The following TMEM170B variants were observed in gnomAD, a reference collection of about 807,000 sequenced individuals.
The protein encoded by TMEM170B is transmembrane protein 170B.
TMEM170B carries 6 observed loss-of-function variants against 13.0 expected under a neutral mutation model. The observed-to-expected ratio is 0.46, with a 90% confidence interval of 0.25 to 0.91. TMEM170B has a LOEUF of 0.91. Among genes scored for constraint, TMEM170B ranks in the 40% least tolerant of loss-of-function variants. TMEM170B has a pLI of 0.17. For synonymous variants in TMEM170B, 61 were observed against 64.9 expected, an observed-to-expected ratio of 0.94 and a Z score of 0.29; for missense variants, 138 against 165.2, an observed-to-expected ratio of 0.84 and a Z score of 0.90.
chr6:11,576,799 G>A lies in TMEM170B; in HGVS notation c.*1238G>A, dbSNP rs1759879144. 6.6e-6 allele frequency: 1 copy of A among 152,072 alleles called. No homozygotes were observed. Among genetic ancestry groups the A allele is most frequent in the Non-Finnish European group, 1.5e-5 (1 of 67,954 alleles). 9.4% of individuals were successfully genotyped at this position (152,072 alleles called of 1,614,324 possible). A position where few individuals can be genotyped will look rare whatever the true frequency, so the allele number is the denominator to read the frequency against. Reference sequence around the variant, plus strand: ...GAGCGTGTATTAGAGTAATTCAGTTGTTCAGTTCTTGATTTATGATATGAA... The same window carrying A: ...GAGCGTGTATTAGAGTAATTCAGTTATTCAGTTCTTGATTTATGATATGAA... On this transcript the variant is annotated 3_prime_UTR_variant, in exon 3 of 3. Transcript: ENST00000379426.
At chr6:11,567,005 T>C (rs2113778880) in intron 2 of TMEM170B, among the ~76,000 whole-genome samples, 1 of 152,362 alleles carries the variant, frequency 6.6e-6, no homozygotes, top group East Asian at 1.9e-4. Context: ...TTTTTATCCA[T>C]TGGGAAATTG....
chr6:11,566,614 T>G (rs947681790), intron 2 of TMEM170B, among the ~76,000 whole-genome samples: 1 of 151,478 alleles, frequency 6.6e-6, no homozygotes, highest in African/African-American at 2.4e-5. Context: ...AGAGCAGGAG[T>G]GGAATTTAAA....
intron 1 of TMEM170B, among the ~76,000 whole-genome samples, chr6:11,542,040 T>A (rs1443871326): frequency 6.6e-6 from 1 of 152,080 alleles, no homozygotes; most frequent in Non-Finnish European, 1.5e-5. Flanking sequence ...TAATAAAATT[T>A]GAAATATTGT....
At chr6:11,572,159 T>G (rs1246225442) in intron 2 of TMEM170B, among the ~76,000 whole-genome samples, 2 of 152,212 alleles carry the variant, frequency 1.3e-5, no homozygotes, top group Middle Eastern at 6.3e-3. Flanking sequence ...GTTCTGGTTT[T>G]ACCCGTGGGT....
intron 1 of TMEM170B, among the ~76,000 whole-genome samples, chr6:11,549,079 TA>T (rs892016694): frequency 6.6e-6 from 1 of 151,856 alleles, no homozygotes; most frequent in East Asian, 1.9e-4. Flanking sequence ...ATAATAATAA[TA>T]AAAAAAGAGT....
intron 1 of TMEM170B, among the ~76,000 whole-genome samples, chr6:11,562,450 G>A (rs745326280): frequency 4.7e-5 from 7 of 150,272 alleles, no homozygotes; most frequent in South Asian, 4.2e-4. Context: ...AACACACACT[G>A]TAAAATATAT....
rs908630773 is a variant in TMEM170B, at chr6:11,578,761, T to G, written c.*3200T>G. 1.3e-5 allele frequency: 2 copies of G among 152,222 alleles called. No homozygotes were observed. The highest frequency in any genetic ancestry group is 4.8e-5 in the African/African-American group (2 of 41,456). 9.4% of individuals were successfully genotyped at this position (152,222 alleles called of 1,614,324 possible). On this transcript the variant is annotated 3_prime_UTR_variant, in exon 3 of 3. Transcript: ENST00000379426. ...GCTCAAAAAAGTATAAGGGTTTTGT[T>G]TGTACTTTAAATGAGAGAAATAAAG...
At chr6:11,553,156 C>A (rs569863680) in intron 1 of TMEM170B, among the ~76,000 whole-genome samples, 1 of 152,060 alleles carries the variant, frequency 6.6e-6, no homozygotes, top group African/African-American at 2.4e-5. Context: ...CTGCAGTGGC[C>A]CTGCAGAACC....
chr6:11,538,420 C>T lies in TMEM170B; in HGVS notation c.97+46C>T, dbSNP rs560295882. The T allele has an allele frequency of 9.0e-6, 12 of 1,338,620 alleles. No individual in the cohort carries two copies. In the East Asian group the frequency reaches 2.4e-4, roughly 27 times the overall value. 82.9% of individuals were successfully genotyped at this position (1,338,620 alleles called of 1,614,324 possible). On this transcript the variant is annotated intron_variant, in intron 1 of 2. Transcript: ENST00000379426. ...GGGGACGGGGATGCGGTCCGCCCCT[C>T]TCCTGTCTTCTCCTTCCTCGGGAGG...
intron 2 of TMEM170B, among the ~76,000 whole-genome samples, chr6:11,574,292 T>G (rs529995855): frequency 6.6e-6 from 1 of 152,288 alleles, no homozygotes; most frequent in South Asian, 2.1e-4. Flanking sequence ...TTAAAACATG[T>G]ATATGAAAGT....
chr6:11,560,224 G>A (rs181231367), intron 1 of TMEM170B, among the ~76,000 whole-genome samples: 1 of 151,534 alleles, frequency 6.6e-6, no homozygotes, highest in African/African-American at 2.4e-5. Context: ...GAGTGCAGTG[G>A]CGTGGTCTTT....
In TMEM170B at chr6:11,580,351, A is replaced by G. The variant is rs896407343; in HGVS notation, c.*4790A>G. 2 of 152,088 alleles carry G rather than the reference A, an allele frequency of 1.3e-5. No homozygotes were observed. Among genetic ancestry groups the G allele is most frequent in the Admixed American group, 6.6e-5 (1 of 15,258 alleles). 9.4% of individuals were successfully genotyped at this position (152,088 alleles called of 1,614,324 possible). A position where few individuals can be genotyped will look rare whatever the true frequency, so the allele number is the denominator to read the frequency against. On this transcript the variant is annotated 3_prime_UTR_variant, in exon 3 of 3. Coordinates refer to ENST00000379426, the MANE Select transcript of TMEM170B (RefSeq NM_001100829.3). ...CTTCAAATACTATTATTTTAAATTT[A>G]TGTTCATTATGTAATTCAGGGAGTA...
intron 2 of TMEM170B, 115 bp downstream of exon 2, chr6:11,565,951 C>A: frequency 3.3e-6 from 3 of 910,218 alleles, no homozygotes; most frequent in South Asian, 1.5e-5. Context: ...GATTATTTTT[C>A]AACACTTAAC....
rs142904079 is a variant in TMEM170B, at chr6:11,552,480, A to G, written c.98-13186A>G. Among the ~76,000 whole-genome samples the G allele has an allele frequency of 2.0e-5, 3 of 152,338 alleles. No homozygotes were observed. The East Asian group carries it at 5.8e-4, about 29-fold the overall frequency. On this transcript the variant is annotated intron_variant, in intron 1 of 2. Transcript: ENST00000379426. ...CTAGGCTGGCTAAATAGTAGAAAGG[A>G]TAGTTTTATCAGCAATATCAATTTG...
At chr6:11,572,957 A>G (rs905123433) in intron 2 of TMEM170B, among the ~76,000 whole-genome samples, 2 of 152,132 alleles carry the variant, frequency 1.3e-5, no homozygotes, top group African/African-American at 4.8e-5. Context: ...GGTTCATGGT[A>G]TGGACTTCAT....
At chr6:11,559,033 C>T (rs12190208) in intron 1 of TMEM170B, among the ~76,000 whole-genome samples, 3 of 151,994 alleles carry the variant, frequency 2.0e-5, no homozygotes, top group Non-Finnish European at 4.4e-5. Flanking sequence ...GCCATATAAT[C>T]TCTGTCTCAA....
At chr6:11,540,975 C>CT (rs955796474) in intron 1 of TMEM170B, among the ~76,000 whole-genome samples, 14 of 150,268 alleles carry the variant, frequency 9.3e-5, no homozygotes, top group South Asian at 2.1e-4. Context: ...TGAAAGGAAT[C>CT]TTTTTTTTTT....
At chr6:11,544,266 TC>T (rs1242907473) in intron 1 of TMEM170B, among the ~76,000 whole-genome samples, 7 of 152,140 alleles carry the variant, frequency 4.6e-5, no homozygotes, top group Admixed American at 4.6e-4. Context: ...AACATGACAC[TC>T]AAAGGAAATA....
In TMEM170B at chr6:11,582,872, G is replaced by A. The variant is rs1759976055; in HGVS notation, c.*7311G>A. 1 of 152,108 alleles carries A rather than the reference G, an allele frequency of 6.6e-6. No individual in the cohort carries two copies. Among genetic ancestry groups the A allele is most frequent in the African/African-American group, 2.4e-5 (1 of 41,440 alleles). The allele number at this position is 152,108 out of a possible 1,614,324, so 9.4% of individuals were successfully genotyped here. A position where few individuals can be genotyped will look rare whatever the true frequency, so the allele number is the denominator to read the frequency against. On this transcript the variant is annotated 3_prime_UTR_variant, in exon 3 of 3. Coordinates refer to ENST00000379426, the MANE Select transcript of TMEM170B (RefSeq NM_001100829.3). The stretch of plus-strand genomic sequence containing the variant: ...CTTCTGTTAAGACTATAAACTATAT[G>A]AGTATGTGTACTGCATGTTTACATA...
Sources: allele counts gnomAD v4.1 joint callset (sites outside exome capture counted in the v4.1 genomes callset), GRCh38; gene constraint gnomAD v4.1.1; transcripts MANE v1.5; gene names NCBI Gene and HGNC (gene_info 2026-07-23, HGNC 2026-07-21).